FAM53A: variants seen among roughly 807,000 people sequenced by gnomAD.
The protein encoded by FAM53A is protein FAM53A.
In FAM53A, 28 loss-of-function variants were observed where a neutral mutation model predicts 26.6. That is an observed-to-expected ratio of 1.05 (90% CI 0.78 to 1.45). FAM53A has a LOEUF of 1.45. FAM53A is among the 40% of genes most tolerant of loss of function. The pLI is 0.00. For synonymous variants in FAM53A, 290 were observed against 253.1 expected (o/e 1.15, Z -1.38); for missense variants, 650 against 575.8 (o/e 1.13, Z -1.32).
rs1362759769 is a variant in FAM53A, at chr4:1,659,679, G to C, written c.76-2211C>G. 6.6e-6 allele frequency among the ~76,000 whole-genome samples: 1 copy of C among 152,180 alleles called. No individual in the cohort carries two copies. The highest frequency in any genetic ancestry group is 1.5e-5 in the Non-Finnish European group (1 of 68,036). On this transcript the variant is annotated intron_variant, in intron 2 of 4. Coordinates refer to ENST00000308132, the MANE Select transcript of FAM53A (RefSeq NM_001174070.3). The surrounding 1 kb of genome is among the most constrained non-coding windows in gnomAD (Gnocchi z 5.2). ...CAGGTCCCACAGGCTCAGGCAGGGGGCTTGTCAAAAACACTTATTCCTCAC... is the reference window on the plus strand; with the variant it reads ...CAGGTCCCACAGGCTCAGGCAGGGGCCTTGTCAAAAACACTTATTCCTCAC...
the FAM53A span, among the ~76,000 whole-genome samples, chr4:1,611,629 G>A: frequency 1.3e-5 from 2 of 152,238 alleles, no homozygotes; most frequent in African/African-American, 2.4e-5. Flanking sequence ...GTGCCAGGCT[G>A]CTCCATGTGC....
intron 1 of FAM53A, among the ~76,000 whole-genome samples, chr4:1,634,665 AGGTG>A (rs1333054791): frequency 6.6e-6 from 1 of 152,194 alleles, no homozygotes; most frequent in Non-Finnish European, 1.5e-5. Flanking sequence ...TGGGAGGCCA[AGGTG>A]GGTGGATCAC....
At chr4:1,617,950 G>C in exon 2 of FAM53A, 1 of 432,066 alleles carries the variant, frequency 2.3e-6, no homozygotes, top group Non-Finnish European at 4.7e-6. Flanking sequence ...CAAGAGAGAA[G>C]TCGCTGCGAT....
the FAM53A span, among the ~76,000 whole-genome samples, chr4:1,594,446 C>T: frequency 0.83 from 126,019 of 152,098 alleles, 52,317 homozygotes; most frequent in African/African-American, 0.86. Flanking sequence ...TACAAGCAGG[C>T]ACAAAAGGCA....
chr4:1,670,970 C>T (rs1246403809), intron 1 of FAM53A, among the ~76,000 whole-genome samples: 1 of 150,986 alleles, frequency 6.6e-6, no homozygotes, highest in Non-Finnish European at 1.5e-5. Flanking sequence ...CTCACAGCCA[C>T]AGCCACGGCC....
At chr4:1,595,776 A>G in the FAM53A span, among the ~76,000 whole-genome samples, 1 of 152,236 alleles carries the variant, frequency 6.6e-6, no homozygotes, top group Admixed American at 6.5e-5. Context: ...TCCAGGCACC[A>G]GCTCTGATGT....
chr4:1,669,231 G>C (rs1324203571), intron 1 of FAM53A, among the ~76,000 whole-genome samples: 1 of 152,202 alleles, frequency 6.6e-6, no homozygotes, highest in Non-Finnish European at 1.5e-5. Context: ...AAGCTGGGAA[G>C]CTGCTGGAAA....
the FAM53A span, among the ~76,000 whole-genome samples, chr4:1,608,755 G>C: frequency 6.6e-6 from 1 of 152,200 alleles, no homozygotes; most frequent in South Asian, 2.1e-4. Flanking sequence ...CTGCTCGCCG[G>C]AGGGAGAGCC....
chr4:1,637,412 C>T (rs970320923), downstream of FAM53A, among the ~76,000 whole-genome samples: 1 of 152,138 alleles, frequency 6.6e-6, no homozygotes, highest in Non-Finnish European at 1.5e-5. Flanking sequence ...GGGGTGAGGC[C>T]AGCCCTCGAG....
rs534229442 is a variant in FAM53A at position 1,655,317 on chromosome 4, C to A, written c.543G>T (p.Ser181=). Reference sequence around the variant, plus strand: ...CGGAGGACGGCCGGGGCGTGGCGGGCGAGGTGGGACCGGTCGACCACACAG... The same window carrying A: ...CGGAGGACGGCCGGGGCGTGGCGGGAGAGGTGGGACCGGTCGACCACACAG... ...RSAVWSTGPT[S]PATPRPSSAS... The change falls in exon 4 of 5, where the codon TCG becomes TCT. Residue 181 remains serine, a synonymous_variant. Transcript: ENST00000308132. 1.4e-6 allele frequency: 2 copies of A among 1,417,844 alleles called. No individual in the cohort carries two copies. Among genetic ancestry groups the A allele is most frequent in the South Asian group, 3.1e-5 (2 of 65,386 alleles). 87.8% of individuals were successfully genotyped at this position (1,417,844 alleles called of 1,614,324 possible). A position where few individuals can be genotyped will look rare whatever the true frequency, so the allele number is the denominator to read the frequency against.
At chr4:1,651,670 G>C (rs1348541962) in intron 4 of FAM53A, among the ~76,000 whole-genome samples, 1 of 151,910 alleles carries the variant, frequency 6.6e-6, no homozygotes, top group Non-Finnish European at 1.5e-5. Flanking sequence ...GAAACATCCA[G>C]AGGACGGGAC....
chr4:1,651,757 C>T (rs1232294882), intron 4 of FAM53A, among the ~76,000 whole-genome samples: 1 of 150,286 alleles, frequency 6.7e-6, no homozygotes, highest in African/African-American at 2.5e-5. Context: ...GGGACAGGGA[C>T]ACACAGGCTC....
At chr4:1,574,752 C>T in the FAM53A span, among the ~76,000 whole-genome samples, 2 of 152,194 alleles carry the variant, frequency 1.3e-5, no homozygotes. Flanking sequence ...GGCCTGGAGC[C>T]GGTGGGTGGG....
chr4:1,611,710 G>A, the FAM53A span, among the ~76,000 whole-genome samples: 4 of 152,206 alleles, frequency 2.6e-5, no homozygotes, highest in Admixed American at 2.6e-4. Flanking sequence ...CGGTGGGCAA[G>A]GGGCCAGCAT....
intron 1 of FAM53A, among the ~76,000 whole-genome samples, chr4:1,634,523 G>A (rs891177809): frequency 2.6e-5 from 4 of 152,156 alleles, no homozygotes; most frequent in Admixed American, 6.6e-5. Context: ...ATTTGGGCAC[G>A]GTCTTTTTTT....
intron 1 of FAM53A, chr4:1,683,832 T>G (rs1326925220): frequency 6.6e-6 from 1 of 152,094 alleles, no homozygotes; most frequent in African/African-American, 2.4e-5. Flanking sequence ...TCTCGGCGAT[T>G]TACACCCCCA....
rs181998594 is a variant in FAM53A, at chr4:1,643,079, C to A, written c.883-1472G>T. ...ACCCCACAGACGGGAACCTCAAACA[C>A]TTCCTGGAAACACTTCCAGCGACTG... is the stretch of plus-strand genomic sequence containing the variant. On this transcript the variant is annotated intron_variant, in intron 4 of 4. Transcript: ENST00000308132. Among the ~76,000 whole-genome samples the A allele has an allele frequency of 3.3e-5, 5 of 152,352 alleles. No individual in the cohort carries two copies. In the East Asian group the frequency reaches 9.6e-4, roughly 29 times the overall value.
At chr4:1,585,632 CAT>C in the FAM53A span, among the ~76,000 whole-genome samples, 5 of 152,176 alleles carry the variant, frequency 3.3e-5, no homozygotes, top group South Asian at 2.1e-4. Context: ...AGAGTCCACA[CAT>C]GAGTGGATCA....
the FAM53A span, chr4:1,580,169 C>T: frequency 6.6e-6 from 1 of 152,328 alleles, no homozygotes; most frequent in Non-Finnish European, 1.5e-5. Flanking sequence ...TCCAACAATT[C>T]ATGGTCCCTG....
Sources: allele counts gnomAD v4.1 joint callset (sites outside exome capture counted in the v4.1 genomes callset), GRCh38; gene constraint gnomAD v4.1.1; non-coding constraint Gnocchi (gnomAD v3.1); transcripts MANE v1.5; gene names NCBI Gene and HGNC (gene_info 2026-07-23, HGNC 2026-07-21).